PLXNA2: variants seen among roughly 807,000 people sequenced by gnomAD.
PLXNA2 encodes plexin-A2.
Under a neutral mutation model 193.5 loss-of-function variants are expected in PLXNA2, and 91 were observed. The ratio of observed to expected loss-of-function variants is 0.47; its 90% CI spans 0.40 to 0.56. The LOEUF is 0.56. PLXNA2 is among the 20% of genes least tolerant of loss of function. The pLI, the probability that PLXNA2 is intolerant of heterozygous loss-of-function variation, is 0.00. For missense variants in PLXNA2, 1,995 were observed against 2,503.2 expected (o/e 0.80, Z 4.33); for synonymous variants, 997 against 1,027.3 (o/e 0.97, Z 0.56).
chr1:208,199,574 C>T (rs1421114535), intron 3 of PLXNA2, among the ~76,000 whole-genome samples: 3 of 152,002 alleles, frequency 2.0e-5, no homozygotes, highest in African/African-American at 7.3e-5. Flanking sequence ...GCCTGTAATC[C>T]CAGCTACTTG....
At chr1:208,199,419 G>A (rs1490068029) in intron 3 of PLXNA2, among the ~76,000 whole-genome samples, 1 of 152,234 alleles carries the variant, frequency 6.6e-6, no homozygotes. Flanking sequence ...TAGGCCGGGC[G>A]CAGTGGCTCA....
At chr1:208,149,551 A>C (rs1164764792) in intron 3 of PLXNA2, among the ~76,000 whole-genome samples, 1 of 147,354 alleles carries the variant, frequency 6.8e-6, no homozygotes, top group Non-Finnish European at 1.5e-5. Context: ...TGTGTGTATA[A>C]GTGTGGTGTG....
chr1:208,103,285 C>T (rs1184210395), intron 4 of PLXNA2, 38 bp from the exon 5 acceptor site: 1 of 1,489,278 alleles, frequency 6.7e-7, no homozygotes, highest in Non-Finnish European at 9.3e-7. Context: ...TGAGGTTAGG[C>T]TGTGACGACT....
At chr1:208,122,173 C>G (rs1275769694) in intron 4 of PLXNA2, among the ~76,000 whole-genome samples, 6 of 152,212 alleles carry the variant, frequency 3.9e-5, no homozygotes, top group Non-Finnish European at 5.9e-5. Flanking sequence ...AAGAGCCACA[C>G]AGATATCACC....
chr1:208,225,157 A>G (rs1301913728), intron 1 of PLXNA2, among the ~76,000 whole-genome samples: 1 of 152,172 alleles, frequency 6.6e-6, no homozygotes, highest in Non-Finnish European at 1.5e-5. Context: ...GTAATGGGGC[A>G]CAAGTGCAGG....
chr1:208,169,886 A>G (rs920121840), intron 3 of PLXNA2, among the ~76,000 whole-genome samples: 2 of 152,110 alleles, frequency 1.3e-5, no homozygotes. Flanking sequence ...ATCTGTATTG[A>G]CTATTAAGAA....
chr1:208,066,726 G>C (rs1378182759), intron 12 of PLXNA2, among the ~76,000 whole-genome samples: 1 of 152,114 alleles, frequency 6.6e-6, no homozygotes, highest in Non-Finnish European at 1.5e-5. Flanking sequence ...CCAGAAGAAG[G>C]CATTGTCATC....
chr1:208,185,246 G>A (rs942489791), intron 3 of PLXNA2, among the ~76,000 whole-genome samples: 1 of 152,160 alleles, frequency 6.6e-6, no homozygotes, highest in Non-Finnish European at 1.5e-5. Context: ...GGCCTCTCAG[G>A]ATTAAGGCCA....
Position 208,060,896 on chromosome 1 carries a change from AC to A in PLXNA2, c.2587-60del, listed in dbSNP as rs1271561978. The A allele has an allele frequency of 5.9e-6, 9 of 1,533,352 alleles. No individual in the cohort carries two copies. In the East Asian group the frequency reaches 2.1e-4, roughly 35 times the overall value. 95.0% of individuals were successfully genotyped at this position (1,533,352 alleles called of 1,614,324 possible). A position where few individuals can be genotyped will look rare whatever the true frequency, so the allele number is the denominator to read the frequency against. On this transcript the variant is annotated intron_variant, in intron 12 of 31. Transcript: ENST00000367033. The stretch of plus-strand genomic sequence containing the variant: ...TGGTCACAGGAACAGAAACAGCAGC[AC>A]CCTTCCCCCTCCCCCAGGGAGGTTT...
Position 208,044,876 on chromosome 1 carries a change from T to C in PLXNA2, c.3640-134A>G. 2 of 985,104 alleles carry C rather than the reference T, an allele frequency of 2.0e-6. No individual in the cohort carries two copies. Among genetic ancestry groups the C allele is most frequent in the Non-Finnish European group, 3.0e-6 (2 of 658,316 alleles). The allele number at this position is 985,104 out of a possible 1,614,324, so 61.0% of individuals were successfully genotyped here. A position where few individuals can be genotyped will look rare whatever the true frequency, so the allele number is the denominator to read the frequency against. Reference sequence around the variant, plus strand: ...CAGTGCAGCTCTAGATAAAAAGCAATTTCCTGCCTCGGCATCTGCCTTTCT... The same window carrying C: ...CAGTGCAGCTCTAGATAAAAAGCAACTTCCTGCCTCGGCATCTGCCTTTCT... On this transcript the variant is annotated intron_variant, in intron 19 of 31. Coordinates refer to ENST00000367033, the MANE Select transcript of PLXNA2 (RefSeq NM_025179.4). The surrounding 1 kb of genome is among the most constrained non-coding windows in gnomAD (Gnocchi z 4.9).
At chr1:208,214,240 G>A (rs894253943) in intron 2 of PLXNA2, among the ~76,000 whole-genome samples, 1 of 152,088 alleles carries the variant, frequency 6.6e-6, no homozygotes, top group African/African-American at 2.4e-5. Flanking sequence ...AATCATAGCG[G>A]CCCATTTATT....
At chr1:208,204,839 G>A (rs1304924506) in intron 3 of PLXNA2, among the ~76,000 whole-genome samples, 1 of 152,208 alleles carries the variant, frequency 6.6e-6, no homozygotes, top group African/African-American at 2.4e-5. Context: ...GCCATGCATA[G>A]TGGTTGAAGG....
rs769008344 is a variant in PLXNA2 at position 208,044,348 on chromosome 1, C to G, written c.3874+160G>C. ...CATTCTTCATTGGACATCTCTGACC[C>G]TATAAGCAAAAGAAGTTCTGGGAAA... is the stretch of plus-strand genomic sequence containing the variant. On this transcript the variant is annotated intron_variant, in intron 20 of 31. Transcript: ENST00000367033. The surrounding 1 kb of genome is among the most constrained non-coding windows in gnomAD (Gnocchi z 4.9). Among the ~76,000 whole-genome samples the G allele has an allele frequency of 2.0e-5, 3 of 152,198 alleles. No homozygotes were observed. Among genetic ancestry groups the G allele is most frequent in the Non-Finnish European group, 2.9e-5 (2 of 68,048 alleles).
In PLXNA2 at chr1:208,217,743, C is replaced by G. The variant is rs1671186514; in HGVS notation, c.180G>C (p.Gly60=). 6.2e-7 allele frequency: 1 copy of G among 1,614,050 alleles called. No homozygotes were observed. The highest frequency in any genetic ancestry group is 1.1e-5 in the South Asian group (1 of 91,084). The part of the protein sequence containing the change: ...FNHLTVHQGT[G]AVYVGAINRV... The stretch of plus-strand genomic sequence containing the variant: ...GGTTGATGGCCCCCACATAGACGGC[C>G]CCCGTCCCTTGGTGGACGGTCAAGT... Residue 60 remains glycine (G), a synonymous_variant, in exon 2 of 32, where the codon GGG becomes GGC. Coordinates refer to ENST00000367033, the MANE Select transcript of PLXNA2 (RefSeq NM_025179.4). This position sits in a 1 kb window ranked among gnomAD's most constrained non-coding sequence, Gnocchi z 4.7.
chr1:208,030,650 G>T (rs1427235643), intron 29 of PLXNA2: 1 of 985,312 alleles, frequency 1.0e-6, no homozygotes, highest in Non-Finnish European at 1.2e-6. Context: ...TTTGTTGGTT[G>T]CTAGGACTTT....
chr1:208,079,605 G>C (rs1236517835), intron 11 of PLXNA2, among the ~76,000 whole-genome samples, 155 bp from the exon 12 acceptor site: 3 of 152,198 alleles, frequency 2.0e-5, no homozygotes, highest in South Asian at 4.1e-4. Context: ...TGAGGAATTA[G>C]TAAATTGAGC....
At chr1:208,191,470 G>T (rs1242391885) in intron 3 of PLXNA2, among the ~76,000 whole-genome samples, 1 of 152,156 alleles carries the variant, frequency 6.6e-6, no homozygotes, top group East Asian at 1.9e-4. Context: ...AAAGAAAAAG[G>T]ACAATTATAA....
intron 1 of PLXNA2, among the ~76,000 whole-genome samples, chr1:208,234,291 A>T (rs1403014104): frequency 6.6e-6 from 1 of 152,114 alleles, no homozygotes; most frequent in Non-Finnish European, 1.5e-5. Flanking sequence ...ACTCAAAAAC[A>T]TTTCCCAAGT....
chr1:208,055,302 A>G (rs1276217084), intron 13 of PLXNA2, among the ~76,000 whole-genome samples: 1 of 152,190 alleles, frequency 6.6e-6, no homozygotes, highest in Non-Finnish European at 1.5e-5. Context: ...AGCCCAGATC[A>G]ATACCCCTAG....
Sources: gnomAD v4.1 joint callset for allele counts (sites outside exome capture counted in the v4.1 genomes callset) on GRCh38, gnomAD v4.1.1 for gene constraint, Gnocchi (gnomAD v3.1) non-coding constraint, MANE v1.5 for transcripts, NCBI Gene and HGNC (gene_info 2026-07-23, HGNC 2026-07-21) for gene names.